CCNYL1: variants seen among roughly 807,000 people sequenced by gnomAD.
CCNYL1 encodes cyclin-Y-like protein 1.
In CCNYL1, 16 loss-of-function variants were observed where a neutral mutation model predicts 44.2. The ratio of observed to expected loss-of-function variants is 0.36; its 90% CI spans 0.25 to 0.55. CCNYL1 has a LOEUF of 0.55. Ranked by LOEUF, CCNYL1 falls within the 20% of genes least tolerant of loss-of-function variation. CCNYL1 has a pLI of 0.85. For missense variants in CCNYL1, 348 were observed against 451.8 expected (o/e 0.77, Z 2.08); for synonymous variants, 159 against 163.2 (o/e 0.97, Z 0.20).
intron 5 of CCNYL1, among the ~76,000 whole-genome samples, chr2:207,737,654 T>G (rs1207912536): frequency 6.6e-6 from 1 of 151,934 alleles, no homozygotes; most frequent in Non-Finnish European, 1.5e-5. Flanking sequence ...ATGTTGGTTA[T>G]ATTGATATTT....
intron 5 of CCNYL1, 107 bp from the exon 6 acceptor site, chr2:207,740,548 A>G (rs2091800844): frequency 1.4e-6 from 1 of 740,548 alleles, no homozygotes; most frequent in Non-Finnish European, 2.4e-6. Context: ...TGGTGAAGCA[A>G]ACACCAAAGC....
Position 207,754,493 on chromosome 2 carries a change from G to A in CCNYL1, c.*795G>A, listed in dbSNP as rs1459144300. ...TTTCATAATGCCAACCAACATGGTG[G>A]TTCAGTGACGATGAGAAAAAGTGAA... On this transcript the variant is annotated 3_prime_UTR_variant, in exon 10 of 10. Coordinates refer to ENST00000295414, the MANE Select transcript of CCNYL1 (RefSeq NM_001330218.2). 6.6e-6 allele frequency: 1 copy of A among 152,642 alleles called. No homozygotes were observed. Among genetic ancestry groups the A allele is most frequent in the Non-Finnish European group, 1.5e-5 (1 of 68,052 alleles). 9.5% of individuals were successfully genotyped at this position (152,642 alleles called of 1,614,324 possible). A position where few individuals can be genotyped will look rare whatever the true frequency, so the allele number is the denominator to read the frequency against.
At position 207,755,347 on chromosome 2, in the gene CCNYL1, T is replaced by G. The variant is rs529014982; in HGVS notation, c.*1649T>G. On this transcript the variant is annotated 3_prime_UTR_variant, in exon 10 of 10. Coordinates refer to ENST00000295414, the MANE Select transcript of CCNYL1 (RefSeq NM_001330218.2). ...GTGGGCCATGATCATGTCACTGCTC[T>G]CCAACCTGGGCGACATCCAGACCCT... is the stretch of plus-strand genomic sequence containing the variant. 3 of 152,320 alleles carry G rather than the reference T, an allele frequency of 2.0e-5. No homozygotes were observed. The South Asian group carries it at 6.2e-4, about 32-fold the overall frequency. 9.4% of individuals were successfully genotyped at this position (152,320 alleles called of 1,614,324 possible).
intron 3 of CCNYL1, among the ~76,000 whole-genome samples, chr2:207,729,148 G>A (rs895931527): frequency 6.6e-6 from 1 of 151,816 alleles, no homozygotes; most frequent in Non-Finnish European, 1.5e-5. Context: ...ATGTCTTCTA[G>A]AGAATTTTGT....
chr2:207,729,804 C>G (rs73060871), intron 3 of CCNYL1, among the ~76,000 whole-genome samples: 4,189 of 152,178 alleles, frequency 0.028, 197 homozygotes, highest in African/African-American at 0.095. Flanking sequence ...CAACCTCTTC[C>G]TCCCGAGTTC....
chr2:207,752,403 G>A (rs372176790), intron 9 of CCNYL1, among the ~76,000 whole-genome samples: 12 of 151,896 alleles, frequency 7.9e-5, no homozygotes, highest in African/African-American at 1.9e-4. Flanking sequence ...TTAGCCGGGC[G>A]TGGTGGCAGA....
chr2:207,722,073 ATTTTTTTT>A (rs397987558), intron 1 of CCNYL1, among the ~76,000 whole-genome samples: 1 of 119,440 alleles, frequency 8.4e-6, no homozygotes, highest in Non-Finnish European at 1.7e-5. Context: ...GTTGCCTTGG[ATTTTTTTT>A]TTTTTTTTTG....
At chr2:207,749,471 A>G (rs1216130813) in intron 8 of CCNYL1, among the ~76,000 whole-genome samples, 1 of 152,204 alleles carries the variant, frequency 6.6e-6, no homozygotes, top group Non-Finnish European at 1.5e-5. Flanking sequence ...TGTAAAGGGT[A>G]TGCTATTCAG....
chr2:207,723,691 C>T (rs1336797845), intron 1 of CCNYL1, among the ~76,000 whole-genome samples: 1 of 151,894 alleles, frequency 6.6e-6, no homozygotes, highest in Non-Finnish European at 1.5e-5. Context: ...GCCTGGCCAA[C>T]ATGGTAAAAC....
rs769172749 is a variant in CCNYL1, at chr2:207,737,391, A to T, written c.432-20A>T. 6.8e-5 allele frequency: 107 copies of T among 1,572,082 alleles called. No homozygotes were observed. Among genetic ancestry groups the T allele is most frequent in the Middle Eastern group, 3.4e-4 (2 of 5,966 alleles). On this transcript the variant is annotated intron_variant, in intron 4 of 9. Transcript: ENST00000295414. ...ATGTTTAAATCAGTTGTTAAAAATA[A>T]TTTTTTTTTCCCTTCACAGTGTGAC...
At chr2:207,721,904 T>C (rs1342950843) in intron 1 of CCNYL1, among the ~76,000 whole-genome samples, 1 of 152,062 alleles carries the variant, frequency 6.6e-6, no homozygotes, top group East Asian at 1.9e-4. Context: ...CAGCCCTGCC[T>C]TTCTCCTTTG....
rs368103717 is a variant in CCNYL1, at chr2:207,745,038, G to C, written c.640-2009G>C. Among the ~76,000 whole-genome samples, 23 of 152,286 alleles carry C rather than the reference G, an allele frequency of 1.5e-4. 1 individual carries two copies. The highest frequency in any genetic ancestry group is 5.1e-4 in the African/African-American group (21 of 41,570). ...GGATGAAGAGCTCTGGCTTGTAAGT[G>C]TGAAGACTCTGGGGACCTTGGCAAG... is the stretch of plus-strand genomic sequence containing the variant. On this transcript the variant is annotated intron_variant, in intron 7 of 9. Transcript: ENST00000295414.
intron 1 of CCNYL1, among the ~76,000 whole-genome samples, chr2:207,712,651 G>A (rs1183602709): frequency 2.0e-5 from 3 of 152,100 alleles, no homozygotes; most frequent in African/African-American, 7.2e-5. Context: ...TCAAAATAGA[G>A]GTTGCCATAG....
chr2:207,723,043 C>A (rs753460495), intron 1 of CCNYL1, among the ~76,000 whole-genome samples: 1 of 151,374 alleles, frequency 6.6e-6, no homozygotes, highest in Non-Finnish European at 1.5e-5. Flanking sequence ...TTTTATTTTT[C>A]CAAATAGCTT....
chr2:207,726,844 C>T lies in CCNYL1; in HGVS notation c.298C>T (p.Arg100Ter), dbSNP rs755335712. 4.5e-6 allele frequency: 7 copies of T among 1,558,868 alleles called. No homozygotes were observed. The highest frequency in any genetic ancestry group is 1.2e-5 in the South Asian group (1 of 83,162). Residue 100 changes from arginine (R) to a stop codon, truncating the protein, a stop_gained and splice_region_variant, in exon 3 of 10, where the codon CGA (arginine) becomes TGA (stop). Coordinates refer to ENST00000295414, the MANE Select transcript of CCNYL1 (RefSeq NM_001330218.2). LOFTEE classifies it high-confidence loss of function. ...IFLSKSQTDVREKRKSNHLNH... is the reference protein window; with the variant it reads ...IFLSKSQTDV ...CAGCTAATTTTTTTTATTCTTAGTG[C>T]GAGAAAAGAGGAAGAGCAACCATTT... is the stretch of plus-strand genomic sequence containing the variant.
rs750853368 is a variant in CCNYL1, at chr2:207,742,173, A to T, written c.520-50A>T. 103 of 1,535,652 alleles carry T rather than the reference A, an allele frequency of 6.7e-5. No individual in the cohort carries two copies. The Middle Eastern group carries it at 7.3e-4, about 11-fold the overall frequency. The stretch of plus-strand genomic sequence containing the variant: ...TCTCAAAAAAAAAAAAAAAAAGCTT[A>T]AAATTTTTTTCTTCAGTGGATACTA... On this transcript the variant is annotated intron_variant, in intron 6 of 9. Coordinates refer to ENST00000295414, the MANE Select transcript of CCNYL1 (RefSeq NM_001330218.2).
rs1345060851 is a variant in CCNYL1 at position 207,723,364 on chromosome 2, C to G, written c.221-1436C>G. On this transcript the variant is annotated intron_variant, in intron 1 of 9. Coordinates refer to ENST00000295414, the MANE Select transcript of CCNYL1 (RefSeq NM_001330218.2). Reference sequence around the variant, plus strand: ...TAAATTTGTGAAATGCTGAGTTAGACAGTAATCACTACTAGACTGATTAGT... The same window carrying G: ...TAAATTTGTGAAATGCTGAGTTAGAGAGTAATCACTACTAGACTGATTAGT... Among the ~76,000 whole-genome samples, 9 of 152,284 alleles carry G rather than the reference C, an allele frequency of 5.9e-5. No individual in the cohort carries two copies. In the East Asian group the frequency reaches 1.7e-3, roughly 29 times the overall value.
At chr2:207,738,892 G>A (rs1233910267) in intron 5 of CCNYL1, among the ~76,000 whole-genome samples, 1 of 151,810 alleles carries the variant, frequency 6.6e-6, no homozygotes, top group Non-Finnish European at 1.5e-5. Context: ...CTAATTTTTT[G>A]TATTTTTAGT....
At chr2:207,750,912 C>T (rs746241535) in intron 8 of CCNYL1, 45 bp from the exon 9 acceptor site, 1 of 1,560,758 alleles carries the variant, frequency 6.4e-7, no homozygotes, top group Non-Finnish European at 8.7e-7. Flanking sequence ...GCCCAGTTGA[C>T]TGACATTGTC....
Sources: allele counts gnomAD v4.1 joint callset (sites outside exome capture counted in the v4.1 genomes callset), GRCh38; gene constraint gnomAD v4.1.1; transcripts MANE v1.5; gene names NCBI Gene and HGNC (gene_info 2026-07-23, HGNC 2026-07-21).